Variants in CUX2 observed in about 807,000 individuals in gnomAD.
CUX2 encodes cut like homeobox 2.
A neutral mutation model predicts 144.8 loss-of-function variants in CUX2; 40 were observed. The ratio of observed to expected loss-of-function variants is 0.28; its 90% CI spans 0.21 to 0.36. The LOEUF is 0.36. Ranked by LOEUF, CUX2 falls within the 10% of genes least tolerant of loss-of-function variation. CUX2 has a pLI of 1.00. For synonymous variants in CUX2, 827 were observed against 875.6 expected, an observed-to-expected ratio of 0.94 and a Z score of 0.98; for missense variants, 1,615 against 1,994.0, an observed-to-expected ratio of 0.81 and a Z score of 3.62.
At chr12:111,261,994 T>C (rs1274289315) in intron 3 of CUX2, among the ~76,000 whole-genome samples, 1 of 152,204 alleles carries the variant, frequency 6.6e-6, no homozygotes, top group East Asian at 1.9e-4. Context: ...GAACTTTTTT[T>C]CTGCCCTCCC....
chr12:111,257,054 C>T (rs1283938511), intron 3 of CUX2, among the ~76,000 whole-genome samples: 1 of 152,142 alleles, frequency 6.6e-6, no homozygotes, highest in Non-Finnish European at 1.5e-5. Context: ...ACACCTGCTG[C>T]GTTCATCCTC....
chr12:111,086,743 G>A (rs916370039), intron 1 of CUX2, among the ~76,000 whole-genome samples: 1 of 152,108 alleles, frequency 6.6e-6, no homozygotes, highest in African/African-American at 2.4e-5. Context: ...GTTATCTCAG[G>A]GAATGGTTTT....
In CUX2 at chr12:111,322,095, A is replaced by G. The variant is rs1318981628; in HGVS notation, c.2767-326A>G. The stretch of plus-strand genomic sequence containing the variant: ...CACTGTGGGAGGCTGAGTTGGGTGG[A>G]TCACTTGAGGTCAGGAGTTCGAAAC... On this transcript the variant is annotated intron_variant, in intron 17 of 21. Transcript: ENST00000261726. The surrounding 1 kb of genome is among the most constrained non-coding windows in gnomAD (Gnocchi z 4.2). 6.6e-6 allele frequency among the ~76,000 whole-genome samples: 1 copy of G among 152,026 alleles called. No homozygotes were observed. Among genetic ancestry groups the G allele is most frequent in the Non-Finnish European group, 1.5e-5 (1 of 68,010 alleles).
intron 3 of CUX2, among the ~76,000 whole-genome samples, chr12:111,259,075 G>GTT (rs1348430243): frequency 2.8e-5 from 4 of 145,264 alleles, no homozygotes; most frequent in Non-Finnish European, 4.6e-5. Flanking sequence ...GTGTGTGTTT[G>GTT]TGTGTGTGTG....
chr12:111,117,364 C>T (rs1462089578), intron 1 of CUX2, among the ~76,000 whole-genome samples: 3 of 152,154 alleles, frequency 2.0e-5, no homozygotes, highest in Non-Finnish European at 4.4e-5. Context: ...CAGCCACCAG[C>T]TCTGATGTGC....
intron 1 of CUX2, chr12:111,100,158 G>A (rs1407819004): frequency 9.3e-6 from 4 of 431,372 alleles, no homozygotes; most frequent in Admixed American, 7.9e-5. Flanking sequence ...GGACTTGGGG[G>A]ATGTGAGAGC....
intron 1 of CUX2, among the ~76,000 whole-genome samples, chr12:111,131,645 C>T (rs905173542): frequency 2.0e-5 from 3 of 152,130 alleles, no homozygotes; most frequent in Admixed American, 6.5e-5. Flanking sequence ...ACAGCCATTC[C>T]GAATGAGAGA....
chr12:111,263,739 CT>C lies in CUX2; in HGVS notation c.223-19del. 2 of 1,601,422 alleles carry C rather than the reference CT, an allele frequency of 1.2e-6. No individual in the cohort carries two copies. Among genetic ancestry groups the C allele is most frequent in the South Asian group, 2.2e-5 (2 of 90,778 alleles). On this transcript the variant is annotated intron_variant, in intron 3 of 21. Coordinates refer to ENST00000261726, the MANE Select transcript of CUX2 (RefSeq NM_015267.4). The surrounding 1 kb of genome is among the most constrained non-coding windows in gnomAD (Gnocchi z 4.0). ...ACAGATGCCATGGTTACACGTGACT[CT>C]TTCTCTTGTTGTCTCCAAAGGTGGT...
At chr12:111,185,940 T>G (rs2136187765) in intron 1 of CUX2, among the ~76,000 whole-genome samples, 1 of 151,888 alleles carries the variant, frequency 6.6e-6, no homozygotes, top group Admixed American at 6.6e-5. Flanking sequence ...CCTGTCTTTC[T>G]GTTTGTCTCT....
rs1373368173 is a variant in CUX2 at position 111,328,976 on chromosome 12, C to CCCCCCCTCT, written c.2927-5462_2927-5461insCCCTCTCCC. ...CTCTCTCTCTCTCTCTCTCTCTCTC[C>CCCCCCCTCT]CCCTCTCTCCCTCTCTCCCTCTCCC... On this transcript the variant is annotated intron_variant, in intron 18 of 21. Coordinates refer to ENST00000261726, the MANE Select transcript of CUX2 (RefSeq NM_015267.4). Among the ~76,000 whole-genome samples, 108 of 30,834 alleles carry CCCCCCCTCT rather than the reference C, an allele frequency of 3.5e-3. 1 individual carries two copies. The highest frequency in any genetic ancestry group is 0.027 in the African/African-American group (101 of 3,708). The allele number at this position is 30,834 out of a possible 152,430, so 20.2% of individuals were successfully genotyped here. A position where few individuals can be genotyped will look rare whatever the true frequency, so the allele number is the denominator to read the frequency against.
chr12:111,265,072 T>C (rs1413841701), intron 4 of CUX2, among the ~76,000 whole-genome samples: 10 of 152,294 alleles, frequency 6.6e-5, no homozygotes, highest in Middle Eastern at 3.4e-3. Context: ...ATAAATTTTC[T>C]GTTGTATGAA....
intron 16 of CUX2, among the ~76,000 whole-genome samples, chr12:111,315,512 A>T (rs1416861521): frequency 6.6e-6 from 1 of 152,196 alleles, no homozygotes; most frequent in African/African-American, 2.4e-5. Context: ...TGAGGTCAGG[A>T]GTTGGAGACC....
chr12:111,237,182 A>G (rs1466318750), intron 3 of CUX2, among the ~76,000 whole-genome samples: 1 of 152,202 alleles, frequency 6.6e-6, no homozygotes, highest in Non-Finnish European at 1.5e-5. Flanking sequence ...TAAAAGAGGC[A>G]AAAGTTTTCC....
chr12:111,222,792 A>G (rs909943049), intron 3 of CUX2, among the ~76,000 whole-genome samples: 4 of 152,092 alleles, frequency 2.6e-5, no homozygotes, highest in African/African-American at 9.7e-5. Flanking sequence ...TGGGACTGAG[A>G]ACGTTCTCCC....
intron 1 of CUX2, among the ~76,000 whole-genome samples, chr12:111,097,603 C>T (rs1302767582): frequency 6.6e-6 from 1 of 152,238 alleles, no homozygotes; most frequent in Admixed American, 6.5e-5. Flanking sequence ...TCCTAGATAA[C>T]TAAAATGGGC....
intron 3 of CUX2, among the ~76,000 whole-genome samples, chr12:111,240,554 T>C (rs780764103): frequency 6.6e-6 from 1 of 152,256 alleles, no homozygotes; most frequent in Non-Finnish European, 1.5e-5. Context: ...TCCAATCGGC[T>C]GAGGTCAGGA....
chr12:111,216,026 C>A (rs1565854164), intron 2 of CUX2, among the ~76,000 whole-genome samples: 1 of 152,262 alleles, frequency 6.6e-6, no homozygotes, highest in Non-Finnish European at 1.5e-5. Context: ...CACGCCGAGG[C>A]TTTATTTAAG....
In CUX2 at chr12:111,186,981, G is replaced by A. The variant is rs1879577144; in HGVS notation, c.64-27219G>A. ...TTTGGTAGAGATGGGGTTTTGCCAT[G>A]TTGGCGAGGCTGGCTTCAAACTCCT... On this transcript the variant is annotated intron_variant, in intron 1 of 21. Transcript: ENST00000261726. The surrounding 1 kb of genome is among the most constrained non-coding windows in gnomAD (Gnocchi z 4.4). Among the ~76,000 whole-genome samples, 1 of 152,210 alleles carries A rather than the reference G, an allele frequency of 6.6e-6. No individual in the cohort carries two copies. The highest frequency in any genetic ancestry group is 1.5e-5 in the Non-Finnish European group (1 of 67,988).
intron 3 of CUX2, among the ~76,000 whole-genome samples, chr12:111,233,785 G>A (rs1882599404): frequency 6.6e-6 from 1 of 152,204 alleles, no homozygotes; most frequent in African/African-American, 2.4e-5. Flanking sequence ...TGAAGAGCTA[G>A]AATTTGAACC....
Sources: gnomAD v4.1 joint callset for allele counts (sites outside exome capture counted in the v4.1 genomes callset) on GRCh38, gnomAD v4.1.1 for gene constraint, Gnocchi (gnomAD v3.1) non-coding constraint, MANE v1.5 for transcripts, NCBI Gene and HGNC (gene_info 2026-07-23, HGNC 2026-07-21) for gene names.